Variants in CROCC2 observed in about 807,000 individuals in gnomAD.
The protein encoded by CROCC2 is ciliary rootlet coiled-coil, rootletin family member 2.
A neutral mutation model predicts 177.6 loss-of-function variants in CROCC2; 163 were observed. The observed-to-expected ratio is 0.92, with a 90% CI of 0.81 to 1.05. The LOEUF (loss-of-function observed/expected upper bound fraction) is 1.05, where lower values mean the gene tolerates loss of function less well. CROCC2 is among the 50% of genes least tolerant of loss of function. CROCC2 has a pLI of 0.00. For missense variants in CROCC2, 1,929 were observed against 1,797.8 expected (o/e 1.07, Z -1.32); for synonymous variants, 904 against 787.3 (o/e 1.15, Z -2.48).
In CROCC2 at chr2:240,963,628, G is replaced by A. The variant is rs984809518; in HGVS notation, c.3160G>A (p.Val1054Ile). Residue 1054 changes from valine to isoleucine, a missense_variant, in exon 21 of 32, where the codon GTC (valine) becomes ATC (isoleucine). Val to Ile is a conservative substitution (Grantham distance 29). Around this residue, in one of 3 missense-constraint regions of CROCC2, gnomAD observed 1,397 missense variants for 1,239.9 expected, o/e 1.13. Coordinates refer to ENST00000690015, the MANE Select transcript of CROCC2 (RefSeq NM_001351305.2). ...CGCACTGCGCCAGGAGCTGCAGGGCGTCGAGGAGAGCCGGGAGGGGCTGCA... is the reference window on the plus strand; with the variant it reads ...CGCACTGCGCCAGGAGCTGCAGGGCATCGAGGAGAGCCGGGAGGGGCTGCA... ...LAALRQELQG[V>I]EESREGLHRE... is the part of the protein sequence containing the mutation. 27 of 1,549,344 alleles carry A rather than the reference G, an allele frequency of 1.7e-5. No homozygotes were observed. Among genetic ancestry groups the A allele is most frequent in the South Asian group, 3.6e-5 (3 of 83,964 alleles).
chr2:240,920,394 G>A (rs1003038165), intron 3 of CROCC2, among the ~76,000 whole-genome samples: 4 of 152,190 alleles, frequency 2.6e-5, no homozygotes, highest in African/African-American at 9.7e-5. Flanking sequence ...GTGTCCCCTA[G>A]GTCTCGCAAC....
rs978118533 is a variant in CROCC2 at position 240,939,503 on chromosome 2, T to C, written c.2169+3915T>C. On this transcript the variant is annotated intron_variant, in intron 14 of 31. Coordinates refer to ENST00000690015, the MANE Select transcript of CROCC2 (RefSeq NM_001351305.2). ...TGGAATCAGAGTTGTGCTCCTAAAA[T>C]ACACTGGAAAGTAGTCTCTCTTCCT... Among the ~76,000 whole-genome samples the C allele has an allele frequency of 1.4e-4, 21 of 152,276 alleles. 1 individual carries two copies. Among genetic ancestry groups the C allele is most frequent in the African/African-American group, 4.6e-4 (19 of 41,582 alleles).
At chr2:240,966,106 T>G in intron 24 of CROCC2, 113 bp downstream of exon 24, 1 of 1,264,686 alleles carries the variant, frequency 7.9e-7, no homozygotes, top group Non-Finnish European at 9.9e-7. Context: ...CAGGCAATTG[T>G]AGGAACCTGT....
At chr2:240,934,154 C>A (rs1372874990) in intron 11 of CROCC2, among the ~76,000 whole-genome samples, 177 bp from the exon 12 acceptor site, 1 of 152,152 alleles carries the variant, frequency 6.6e-6, no homozygotes, top group Non-Finnish European at 1.5e-5. Context: ...TCCCCTGCCC[C>A]GGAAATGAAG....
intron 8 of CROCC2, 65 bp downstream of exon 8, chr2:240,932,479 C>T (rs2059439114): frequency 2.8e-6 from 2 of 714,260 alleles, no homozygotes; most frequent in East Asian, 2.7e-5. Flanking sequence ...GGAGTCTCCC[C>T]TGCCACAGGA....
At chr2:240,988,413 G>A (rs1574801852) in intron 28 of CROCC2, among the ~76,000 whole-genome samples, 1 of 152,316 alleles carries the variant, frequency 6.6e-6, no homozygotes, top group African/African-American at 2.4e-5. Flanking sequence ...ACTGAGAAGG[G>A]GTTTGCGGGG....
At chr2:240,933,995 C>T (rs1465564827) in intron 11 of CROCC2, 143 bp downstream of exon 11, 13 of 926,748 alleles carry the variant, frequency 1.4e-5, no homozygotes, top group African/African-American at 3.3e-5. Context: ...AGGGCAGGGG[C>T]GGGGGCTCTC....
intron 21 of CROCC2, chr2:240,964,064 C>G: frequency 1.8e-6 from 1 of 562,922 alleles, no homozygotes; most frequent in Non-Finnish European, 3.2e-6. Flanking sequence ...TGGTGCAGAG[C>G]TGGGGAGCAG....
intron 26 of CROCC2, among the ~76,000 whole-genome samples, chr2:240,967,772 G>A (rs748266235): frequency 3.3e-5 from 5 of 152,020 alleles, no homozygotes; most frequent in Non-Finnish European, 7.4e-5. Flanking sequence ...CCCACTGGGG[G>A]CCTTTGCCCT....
rs371610251 is a variant in CROCC2, at chr2:240,917,306, C to T, written c.79-1420C>T. On this transcript the variant is annotated intron_variant, in intron 1 of 31. Coordinates refer to ENST00000690015, the MANE Select transcript of CROCC2 (RefSeq NM_001351305.2). The surrounding 1 kb of genome is among the most constrained non-coding windows in gnomAD (Gnocchi z 4.9). ...ACTCTCCAACCCCGGCGAGGGGGGC[C>T]GCGATCTTTGGGGTGCAGATGGAGG... 8.4e-4 allele frequency among the ~76,000 whole-genome samples: 115 copies of T among 136,402 alleles called. No individual in the cohort carries two copies. The highest frequency in any genetic ancestry group is 3.0e-3 in the African/African-American group (91 of 29,848). The allele number at this position is 136,402 out of a possible 152,430, so 89.5% of individuals were successfully genotyped here. A position where few individuals can be genotyped will look rare whatever the true frequency, so the allele number is the denominator to read the frequency against.
Position 240,920,106 on chromosome 2 carries a change from C to A in CROCC2, c.353C>A (p.Ala118Asp). 2 of 703,344 alleles carry A rather than the reference C, an allele frequency of 2.8e-6. No homozygotes were observed. Among genetic ancestry groups the A allele is most frequent in the Non-Finnish European group, 2.6e-6 (1 of 378,770 alleles). 43.6% of individuals were successfully genotyped at this position (703,344 alleles called of 1,614,324 possible). A position where few individuals can be genotyped will look rare whatever the true frequency, so the allele number is the denominator to read the frequency against. Residue 118 changes from alanine (A) to aspartate (D), a missense_variant, in exon 3 of 32, where the codon GCC (alanine) becomes GAC (aspartate). Physicochemically the swap from Ala to Asp is moderately radical, Grantham distance 126 (BLOSUM62 -2). Transcript: ENST00000690015. ...GCCAGCGCCGAGCGAGATGAGCTGG[C>A]CAGCAGGTGCCGTGTGGTCAGCGAG... ...AQASAERDEL[A>D]SRCRVVSEQL...
chr2:240,944,856 A>G (rs2059514249), intron 14 of CROCC2, among the ~76,000 whole-genome samples: 1 of 152,192 alleles, frequency 6.6e-6, no homozygotes, highest in Non-Finnish European at 1.5e-5. Flanking sequence ...AATCTTATAT[A>G]TAATAAATTA....
intron 28 of CROCC2, among the ~76,000 whole-genome samples, chr2:240,984,041 G>C (rs1232962120): frequency 6.6e-6 from 1 of 152,190 alleles, no homozygotes; most frequent in Non-Finnish European, 1.5e-5. Context: ...GGCCTGGGCA[G>C]ACAGGGTGAG....
chr2:240,950,889 A>G (rs56032979), intron 18 of CROCC2: 105,317 of 185,550 alleles, frequency 0.57, 31,245 homozygotes, highest in Non-Finnish European at 0.62. Flanking sequence ...TCACCCATCC[A>G]TCCATTTATC....
In CROCC2 at chr2:240,925,761, G is replaced by A. The variant is rs1243267357; in HGVS notation, c.526G>A (p.Glu176Lys). 1 of 716,932 alleles carries A rather than the reference G, an allele frequency of 1.4e-6. No homozygotes were observed. Among genetic ancestry groups the A allele is most frequent in the Non-Finnish European group, 2.6e-6 (1 of 384,930 alleles). The allele number at this position is 716,932 out of a possible 1,614,324, so 44.4% of individuals were successfully genotyped here. The change falls in exon 5 of 32, where the codon GAG becomes AAG. Residue 176 changes from glutamate (E) to lysine (K), a missense_variant. By Grantham distance (56) the Glu-to-Lys change is moderately conservative (BLOSUM62 1). Around this residue, in one of 3 missense-constraint regions of CROCC2, gnomAD observed 1,397 missense variants for 1,239.9 expected, o/e 1.13. Coordinates refer to ENST00000690015, the MANE Select transcript of CROCC2 (RefSeq NM_001351305.2). Reference sequence around the variant, plus strand: ...CTGTCAGGTGAACGCGCTCCTGCGGGAGCAGCTGGAACATATGAAGAAGGC... The same window carrying A: ...CTGTCAGGTGAACGCGCTCCTGCGGAAGCAGCTGGAACATATGAAGAAGGC... Reference protein sequence around the residue: ...GLCQVNALLREQLEHMKKAND... With the variant: ...GLCQVNALLRKQLEHMKKAND...
chr2:240,968,197 C>T lies in CROCC2; in HGVS notation c.4336C>T (p.Arg1446Cys), dbSNP rs1284001055. ...AARALQKEAL[R>C]RLELEHLASV... ...ACGTGCCCTGCAGAAGGAGGCGCTC[C>T]GCAGGCTGGAGTTGGAGCACCTGGC... The change falls in exon 27 of 32, where the codon CGC becomes TGC. Residue 1446 changes from arginine to cysteine, a missense_variant. Around this residue, in one of 3 missense-constraint regions of CROCC2, gnomAD observed 388 missense variants for 352.7 expected, o/e 1.10. Coordinates refer to ENST00000690015, the MANE Select transcript of CROCC2 (RefSeq NM_001351305.2). 1.5e-5 allele frequency: 23 copies of T among 1,532,958 alleles called. No individual in the cohort carries two copies. The highest frequency in any genetic ancestry group is 2.0e-4 in the Middle Eastern group (1 of 5,004). 95.0% of individuals were successfully genotyped at this position (1,532,958 alleles called of 1,614,324 possible).
intron 15 of CROCC2, among the ~76,000 whole-genome samples, chr2:240,948,025 G>C (rs1432502139): frequency 1.3e-5 from 2 of 152,192 alleles, no homozygotes; most frequent in East Asian, 3.8e-4. Context: ...CCTTACAGGA[G>C]ACCAGGCGGG....
chr2:240,916,362 G>T (rs1167250807), intron 1 of CROCC2, among the ~76,000 whole-genome samples: 1 of 70,906 alleles, frequency 1.4e-5, no homozygotes, highest in Non-Finnish European at 2.7e-5. Context: ...CGCCCCCTGC[G>T]CCCCCCTCTG....
At chr2:240,964,149 C>G (rs1176270480) in intron 21 of CROCC2, 1 of 536,506 alleles carries the variant, frequency 1.9e-6, no homozygotes, top group Non-Finnish European at 3.4e-6. Flanking sequence ...ACAGCCCTCA[C>G]AGCAGGTGGC....
Sources: gnomAD v4.1 joint callset for allele counts (sites outside exome capture counted in the v4.1 genomes callset) on GRCh38, gnomAD v4.1.1 for gene constraint, gnomAD v4.1.1 regional missense constraint, Gnocchi (gnomAD v3.1) non-coding constraint, MANE v1.5 for transcripts, NCBI Gene and HGNC (gene_info 2026-07-23, HGNC 2026-07-21) for gene names.